WDFY4: variants seen among roughly 807,000 people sequenced by gnomAD.
WDFY4 encodes the protein WDFY family member 4, also known as WD repeat- and FYVE domain-containing protein 4.
A neutral mutation model predicts 351.9 loss-of-function variants in WDFY4; 169 were observed. The observed-to-expected ratio is 0.48, with a 90% CI of 0.42 to 0.55. The LOEUF (loss-of-function observed/expected upper bound fraction) is 0.55. Ranked by LOEUF, WDFY4 falls within the 20% of genes least tolerant of loss-of-function variation. The pLI, the probability that WDFY4 is intolerant of heterozygous loss-of-function variation, is 0.00. For synonymous variants in WDFY4, 1,622 were observed against 1,574.6 expected (o/e 1.03, Z -0.71); for missense variants, 3,803 against 3,935.6 (o/e 0.97, Z 0.90).
chr10:48,712,563 G>A (rs1904601), intron 2 of WDFY4, among the ~76,000 whole-genome samples: 1 of 152,018 alleles, frequency 6.6e-6, no homozygotes, highest in African/African-American at 2.4e-5. Context: ...ACATTCTGAC[G>A]GACTAATAAA....
intron 1 of WDFY4, among the ~76,000 whole-genome samples, chr10:48,693,532 C>A (rs1442842652): frequency 6.6e-6 from 1 of 152,208 alleles, no homozygotes; most frequent in African/African-American, 2.4e-5. Flanking sequence ...GGTCTGCCAG[C>A]TTGTGGGAGA....
chr10:48,880,854 G>T (rs1039235912), intron 43 of WDFY4, among the ~76,000 whole-genome samples: 1 of 152,118 alleles, frequency 6.6e-6, no homozygotes, highest in African/African-American at 2.4e-5. Context: ...CACCAGGCAC[G>T]CCTGCTTCTG....
intron 13 of WDFY4, among the ~76,000 whole-genome samples, chr10:48,769,603 G>T (rs2065792929): frequency 6.6e-6 from 1 of 152,194 alleles, no homozygotes; most frequent in South Asian, 2.1e-4. Context: ...GGCCTCTCTG[G>T]TGGTTTTCAT....
chr10:48,973,100 A>T (rs1026445812), intron 57 of WDFY4, among the ~76,000 whole-genome samples: 1 of 152,170 alleles, frequency 6.6e-6, no homozygotes, highest in Admixed American at 6.5e-5. Flanking sequence ...TCCTGGGAAG[A>T]GCAGGCAGAC....
chr10:48,770,571 G>A (rs1417006365), intron 13 of WDFY4, among the ~76,000 whole-genome samples: 1 of 152,120 alleles, frequency 6.6e-6, no homozygotes, highest in Non-Finnish European at 1.5e-5. Flanking sequence ...CAAGAGGGTG[G>A]ATGTTACTTT....
At chr10:48,919,498 G>A (rs1367501471) in intron 47 of WDFY4, among the ~76,000 whole-genome samples, 2 of 152,142 alleles carry the variant, frequency 1.3e-5, no homozygotes, top group African/African-American at 4.8e-5. Flanking sequence ...CTATAACAAA[G>A]TACCATAGAC....
intron 29 of WDFY4, 31 bp downstream of exon 29, chr10:48,810,766 G>A (rs1425738565): frequency 6.7e-6 from 10 of 1,487,218 alleles, no homozygotes; most frequent in South Asian, 1.4e-5. Flanking sequence ...AGGGAGTGGG[G>A]CACCACCTAG....
intron 1 of WDFY4, among the ~76,000 whole-genome samples, chr10:48,703,474 A>G (rs2063536699): frequency 6.6e-6 from 1 of 152,250 alleles, no homozygotes. Flanking sequence ...GAGGCTGACA[A>G]GAAATGGGGA....
At chr10:48,826,168 G>T (rs9675597) in intron 35 of WDFY4, among the ~76,000 whole-genome samples, 1 of 152,172 alleles carries the variant, frequency 6.6e-6, no homozygotes, top group South Asian at 2.1e-4. Context: ...TCGATTTTCT[G>T]TGTACGTCTA....
intron 55 of WDFY4, chr10:48,968,769 A>T (rs1025930749): frequency 2.4e-6 from 1 of 420,842 alleles, no homozygotes; most frequent in Non-Finnish European, 4.4e-6. Flanking sequence ...TGTGAGCCAT[A>T]TTCCAGCTGG....
chr10:48,926,401 G>A (rs1480776058), intron 47 of WDFY4, among the ~76,000 whole-genome samples: 1 of 152,186 alleles, frequency 6.6e-6, no homozygotes. Context: ...GAACTGCAAT[G>A]TCACCCCCTA....
chr10:48,897,378 A>C, intron 44 of WDFY4, 76 bp from the exon 45 acceptor site: 1 of 1,514,078 alleles, frequency 6.6e-7, no homozygotes, highest in South Asian at 1.2e-5. Context: ...GGTGGAGGGC[A>C]GGAAGAAGAA....
chr10:48,913,933 G>A (rs1343068030), intron 47 of WDFY4: 3 of 1,614,008 alleles, frequency 1.9e-6, no homozygotes, highest in Non-Finnish European at 1.7e-6. Context: ...AGCCACCGGA[G>A]GTTCTGGAAC....
chr10:48,813,937 G>A lies in WDFY4; in HGVS notation c.5215-20G>A. ...GTGAGTAGCCGCAGGTCTGCTTACAGCTCCTGCCTCCTCTTCCAGGACAGC... is the reference window on the plus strand; with the variant it reads ...GTGAGTAGCCGCAGGTCTGCTTACAACTCCTGCCTCCTCTTCCAGGACAGC... On this transcript the variant is annotated intron_variant, in intron 30 of 61. Transcript: ENST00000325239. The A allele has an allele frequency of 6.6e-7, 1 of 1,521,312 alleles. No individual in the cohort carries two copies. 94.2% of individuals were successfully genotyped at this position (1,521,312 alleles called of 1,614,324 possible).
intron 47 of WDFY4, among the ~76,000 whole-genome samples, chr10:48,921,008 T>C (rs1247171435): frequency 6.6e-6 from 1 of 152,174 alleles, no homozygotes; most frequent in Non-Finnish European, 1.5e-5. Flanking sequence ...AAAGAAGATC[T>C]AAATAAATGG....
chr10:48,796,395 G>C lies in WDFY4; in HGVS notation c.4355G>C (p.Arg1452Thr). 1 of 1,552,166 alleles carries C rather than the reference G, an allele frequency of 6.4e-7. No individual in the cohort carries two copies. The highest frequency in any genetic ancestry group is 1.4e-5 in the African/African-American group (1 of 73,172). ...GCTGGCACTGTGGAGCTGGGCTTCA[G>C]GTCATCTGCTATCACCAACACTGGT... Reference protein sequence around the residue: ...SVAGTVELGFRSSAITNTGVF... With the variant: ...SVAGTVELGFTSSAITNTGVF... Residue 1452 changes from arginine (R) to threonine (T), a missense_variant, in exon 24 of 62, where the codon AGG becomes ACG. Coordinates refer to ENST00000325239, the MANE Select transcript of WDFY4 (RefSeq NM_001394531.1).
Position 48,813,955 on chromosome 10 carries a change from A to G in WDFY4, c.5215-2A>G. The G allele has an allele frequency of 6.5e-7, 1 of 1,536,642 alleles. No homozygotes were observed. The highest frequency in any genetic ancestry group is 8.8e-7 in the Non-Finnish European group (1 of 1,138,978). On this transcript the variant is annotated splice_acceptor_variant, in intron 30 of 61. Transcript: ENST00000325239. LOFTEE classifies it high-confidence loss of function. ...GCTTACAGCTCCTGCCTCCTCTTCCAGGACAGCCTTGATGCCATGCTTCAG... is the reference window on the plus strand; with the variant it reads ...GCTTACAGCTCCTGCCTCCTCTTCCGGGACAGCCTTGATGCCATGCTTCAG...
chr10:48,974,603 C>T (rs1241001449), intron 57 of WDFY4, among the ~76,000 whole-genome samples: 1 of 149,242 alleles, frequency 6.7e-6, no homozygotes, highest in Non-Finnish European at 1.5e-5. Flanking sequence ...TGTGGCTAGC[C>T]TCTGGTTGGG....
intron 6 of WDFY4, among the ~76,000 whole-genome samples, chr10:48,726,809 TC>T (rs1313746504): frequency 6.6e-6 from 1 of 152,196 alleles, no homozygotes; most frequent in Non-Finnish European, 1.5e-5. Context: ...TGGATTGGCT[TC>T]CCCAGCACTC....
Sources: allele counts gnomAD v4.1 joint callset (sites outside exome capture counted in the v4.1 genomes callset), GRCh38; gene constraint gnomAD v4.1.1; transcripts MANE v1.5; gene names NCBI Gene and HGNC (gene_info 2026-07-23, HGNC 2026-07-21).